Variants in PLXDC2 observed in about 807,000 individuals in gnomAD.
The protein encoded by PLXDC2 is plexin domain containing 2.
PLXDC2 carries 40 observed loss-of-function variants against 68.9 expected under a neutral mutation model. The ratio of observed to expected loss-of-function variants is 0.58; its 90% CI spans 0.45 to 0.76. PLXDC2 has a LOEUF of 0.76. PLXDC2 is among the 30% of genes least tolerant of loss of function. PLXDC2 has a pLI of 0.00. For missense variants in PLXDC2, 644 were observed against 661.9 expected (o/e 0.97, Z 0.30); for synonymous variants, 243 against 234.2 (o/e 1.04, Z -0.34).
intron 7 of PLXDC2, among the ~76,000 whole-genome samples, chr10:20,170,992 G>A (rs1437284016): frequency 2.0e-5 from 3 of 151,880 alleles, no homozygotes; most frequent in East Asian, 1.9e-4. Context: ...AAATATAAGT[G>A]TATTTATTAA....
chr10:19,985,775 A>G (rs1834626653), intron 1 of PLXDC2, among the ~76,000 whole-genome samples: 1 of 152,246 alleles, frequency 6.6e-6, no homozygotes, highest in African/African-American at 2.4e-5. Context: ...AGCGGAGGTG[A>G]TCATGTTAAG....
At chr10:19,917,229 G>A (rs1833384045) in intron 1 of PLXDC2, among the ~76,000 whole-genome samples, 1 of 152,078 alleles carries the variant, frequency 6.6e-6, no homozygotes, top group East Asian at 1.9e-4. Flanking sequence ...GGTGACTTGA[G>A]CATTGCTCCA....
In PLXDC2 at chr10:20,047,169, T is replaced by C. The variant is rs1057226627; in HGVS notation, c.471+154T>C. ...TTTTCAAGTGTATTCAGTTCTGTAA[T>C]TGTAATTTAGATTGATTACTGCATA... On this transcript the variant is annotated intron_variant, in intron 3 of 13. Coordinates refer to ENST00000377252, the MANE Select transcript of PLXDC2 (RefSeq NM_032812.9). Among the ~76,000 whole-genome samples the C allele has an allele frequency of 5.9e-5, 9 of 152,158 alleles. No homozygotes were observed. In the East Asian group the frequency reaches 1.2e-3, roughly 19 times the overall value.
chr10:19,983,633 C>A (rs906420573), intron 1 of PLXDC2, among the ~76,000 whole-genome samples: 1 of 152,168 alleles, frequency 6.6e-6, no homozygotes, highest in African/African-American at 2.4e-5. Context: ...GCTTTATTTC[C>A]TTCTGCCTCC....
At chr10:20,142,866 C>G (rs1306640930) in intron 4 of PLXDC2, among the ~76,000 whole-genome samples, 1 of 151,634 alleles carries the variant, frequency 6.6e-6, no homozygotes, top group Non-Finnish European at 1.5e-5. Context: ...AATTCCTATG[C>G]TGAGATGGTA....
At chr10:19,998,283 A>G (rs1034255542) in intron 1 of PLXDC2, among the ~76,000 whole-genome samples, 1 of 152,222 alleles carries the variant, frequency 6.6e-6, no homozygotes, top group Non-Finnish European at 1.5e-5. Flanking sequence ...GGAGTAATTT[A>G]CAATATAGAT....
At chr10:20,142,253 A>G (rs1394665394) in intron 4 of PLXDC2, among the ~76,000 whole-genome samples, 1 of 152,106 alleles carries the variant, frequency 6.6e-6, no homozygotes, top group East Asian at 1.9e-4. Context: ...AAAATGATTT[A>G]TATTAGTGTC....
intron 13 of PLXDC2, among the ~76,000 whole-genome samples, chr10:20,266,111 T>C (rs1387083755): frequency 6.6e-6 from 1 of 152,148 alleles, no homozygotes; most frequent in Admixed American, 6.6e-5. Context: ...CACCATCCAG[T>C]GCACATAAGG....
In PLXDC2 at chr10:19,903,462, G is replaced by A. The variant is rs187421276; in HGVS notation, c.112+86271G>A. Among the ~76,000 whole-genome samples, 162 of 151,810 alleles carry A rather than the reference G, an allele frequency of 1.1e-3. 2 individuals are homozygous for A. In the Middle Eastern group the frequency reaches 0.02, roughly 19 times the overall value. ...CTCTAGGTTTTTCTAGTTTATGTGC[G>A]TAAAGGTGCTCACAGTACCCTTGAA... On this transcript the variant is annotated intron_variant, in intron 1 of 13. Coordinates refer to ENST00000377252, the MANE Select transcript of PLXDC2 (RefSeq NM_032812.9).
chr10:20,054,631 C>T (rs1474244237), intron 3 of PLXDC2, among the ~76,000 whole-genome samples: 1 of 151,954 alleles, frequency 6.6e-6, no homozygotes, highest in African/African-American at 2.4e-5. Flanking sequence ...CATGTTCTCA[C>T]TCATAGGTGG....
chr10:19,849,783 G>A (rs796867018), intron 1 of PLXDC2, among the ~76,000 whole-genome samples: 2 of 152,206 alleles, frequency 1.3e-5, no homozygotes, highest in South Asian at 2.1e-4. Context: ...TATTATATCT[G>A]TTATCCTATT....
rs1040617358 is a variant in PLXDC2 at position 20,284,700 on chromosome 10, G to A, written c.*4881G>A. The A allele has an allele frequency of 1.3e-5, 2 of 151,962 alleles. No individual in the cohort carries two copies. The highest frequency in any genetic ancestry group is 2.9e-5 in the Non-Finnish European group (2 of 68,006). 9.4% of individuals were successfully genotyped at this position (151,962 alleles called of 1,614,324 possible). ...TAATAGTCCCAGTGTCAGTAAACTG[G>A]GTCTTGAACTTAAATGTTTGTTTCA... On this transcript the variant is annotated 3_prime_UTR_variant, in exon 14 of 14. Transcript: ENST00000377252.
At chr10:20,131,171 T>TTG (rs1253609282) in intron 4 of PLXDC2, among the ~76,000 whole-genome samples, 2 of 151,820 alleles carry the variant, frequency 1.3e-5, no homozygotes. Context: ...TGTTATTTTT[T>TTG]TTTTTTCAGA....
chr10:19,950,508 A>G (rs1477411057), intron 1 of PLXDC2, among the ~76,000 whole-genome samples: 3 of 152,216 alleles, frequency 2.0e-5, no homozygotes, highest in Non-Finnish European at 2.9e-5. Context: ...GAAATCACAG[A>G]TAACACAGAC....
At chr10:20,136,618 T>C (rs534605005) in intron 4 of PLXDC2, among the ~76,000 whole-genome samples, 3 of 152,206 alleles carry the variant, frequency 2.0e-5, no homozygotes, top group Admixed American at 6.5e-5. Flanking sequence ...TCCTTATGGA[T>C]AAAAGATCAT....
intron 4 of PLXDC2, among the ~76,000 whole-genome samples, chr10:20,119,834 G>C (rs1833673014): frequency 6.6e-6 from 1 of 151,766 alleles, no homozygotes; most frequent in Non-Finnish European, 1.5e-5. Flanking sequence ...TTGTCATTTA[G>C]AATTATTGGT....
At chr10:19,959,075 A>C (rs1834115854) in intron 1 of PLXDC2, among the ~76,000 whole-genome samples, 1 of 152,204 alleles carries the variant, frequency 6.6e-6, no homozygotes, top group South Asian at 2.1e-4. Flanking sequence ...AGAAGGGAGA[A>C]ATCAAGCTAA....
At chr10:20,014,448 CCT>C (rs1043630623) in intron 2 of PLXDC2, among the ~76,000 whole-genome samples, 5 of 129,824 alleles carry the variant, frequency 3.9e-5, no homozygotes, top group African/African-American at 1.4e-4. Flanking sequence ...CCTTCCTTCC[CCT>C]CTCTCTCTTT....
chr10:19,897,689 A>G (rs1004750297), intron 1 of PLXDC2, among the ~76,000 whole-genome samples: 2 of 152,202 alleles, frequency 1.3e-5, no homozygotes, highest in African/African-American at 4.8e-5. Context: ...ACACTTACAC[A>G]TGTGAAATAA....
Sources: gnomAD v4.1 joint callset for allele counts (sites outside exome capture counted in the v4.1 genomes callset) on GRCh38, gnomAD v4.1.1 for gene constraint, MANE v1.5 for transcripts, NCBI Gene and HGNC (gene_info 2026-07-23, HGNC 2026-07-21) for gene names.